The following NLRP14 variants were observed in gnomAD, a reference collection of about 807,000 sequenced individuals.
NLRP14 encodes the protein NLR family pyrin domain containing 14, also known as NACHT, LRR and PYD domains-containing protein 14.
In NLRP14, 105 loss-of-function variants were observed where a neutral mutation model predicts 94.7. The observed-to-expected ratio is 1.11, with a 90% CI of 0.95 to 1.30. The LOEUF (loss-of-function observed/expected upper bound fraction) is 1.30, where lower values mean the gene tolerates loss of function less well. NLRP14 is among the 50% of genes most tolerant of loss of function. The pLI is 0.00. For missense variants in NLRP14, 1,362 were observed against 1,254.1 expected, an observed-to-expected ratio of 1.09 and a Z score of -1.30; for synonymous variants, 508 against 459.9, an observed-to-expected ratio of 1.10 and a Z score of -1.34.
chr11:7,027,152 G>A (rs758686351), intron 1 of NLRP14, among the ~76,000 whole-genome samples: 2 of 150,710 alleles, frequency 1.3e-5, no homozygotes, highest in Non-Finnish European at 3.0e-5. Context: ...CCCTTTCAAT[G>A]TCAATTTTTC....
At chr11:7,034,835 A>G (rs1267043507) in intron 1 of NLRP14, among the ~76,000 whole-genome samples, 3 of 152,202 alleles carry the variant, frequency 2.0e-5, no homozygotes, top group Non-Finnish European at 4.4e-5. Context: ...GATACTAATT[A>G]ATTCTTGTCA....
In NLRP14 at chr11:7,062,490, A is replaced by T; in HGVS notation, c.2962A>T (p.Ile988Phe). ...CDALRYPNCNIQRLGLEYCGL... is the reference protein window; with the variant it reads ...CDALRYPNCNFQRLGLEYCGL... ...TGCTTTGAGATATCCAAACTGTAAC[A>T]TTCAGAGGCTCGGGTGAGTTCATAG... Residue 988 changes from isoleucine (I) to phenylalanine (F), a missense_variant, in exon 10 of 12, where the codon ATT (isoleucine) becomes TTT (phenylalanine). Coordinates refer to ENST00000299481, the MANE Select transcript of NLRP14 (RefSeq NM_176822.4). 6.2e-7 allele frequency: 1 copy of T among 1,612,858 alleles called. No individual in the cohort carries two copies. The highest frequency in any genetic ancestry group is 1.7e-5 in the Admixed American group (1 of 59,886).
chr11:7,074,600 G>A (rs1468614778), downstream of NLRP14, among the ~76,000 whole-genome samples: 3 of 152,172 alleles, frequency 2.0e-5, no homozygotes, highest in African/African-American at 7.2e-5. Context: ...CCATTTCAGA[G>A]CATTATAGAG....
intron 6 of NLRP14, among the ~76,000 whole-genome samples, chr11:7,052,529 A>G (rs778091619): frequency 6.6e-6 from 1 of 152,168 alleles, no homozygotes; most frequent in Admixed American, 6.5e-5. Flanking sequence ...GCTACTCAGG[A>G]GGCTGAGACA....
chr11:7,089,017 C>CGG, the NLRP14 span: 5 of 1,380,094 alleles, frequency 3.6e-6, no homozygotes, highest in Non-Finnish European at 5.0e-6. Context: ...GACTAGGCGC[C>CGG]GCCTGACCAG....
At position 7,058,453 on chromosome 11, in the gene NLRP14, A is replaced by G; in HGVS notation, c.2633+3A>G. ...CAATGTACTCTGAAGAGCCTTGTGT[A>G]AGTGTCTTCAAGTTTTTATCCTTAA... On this transcript the variant is annotated splice_donor_region_variant and intron_variant, in intron 8 of 11. Coordinates refer to ENST00000299481, the MANE Select transcript of NLRP14 (RefSeq NM_176822.4). 1 of 1,602,680 alleles carries G rather than the reference A, an allele frequency of 6.2e-7. No individual in the cohort carries two copies. The highest frequency in any genetic ancestry group is 1.3e-5 in the African/African-American group (1 of 74,764).
rs1852291818 is a variant in NLRP14, at chr11:7,043,193, C to T, written c.1167C>T (p.Val389=). The T allele has an allele frequency of 1.2e-6, 2 of 1,614,122 alleles. No individual in the cohort carries two copies. The highest frequency in any genetic ancestry group is 2.2e-5 in the East Asian group (1 of 44,884). The stretch of plus-strand genomic sequence containing the variant: ...AGCAAATGGAGAAGGGTGGTGATGT[C>T]ACATTGACCTGCCAAACAACCACAG... ...LKQQMEKGGD[V]TLTCQTTTAL... Residue 389 remains valine, a synonymous_variant, in exon 4 of 12, where the codon GTC becomes GTT. Coordinates refer to ENST00000299481, the MANE Select transcript of NLRP14 (RefSeq NM_176822.4).
chr11:7,079,940 C>T, the NLRP14 span, among the ~76,000 whole-genome samples: 9 of 152,054 alleles, frequency 5.9e-5, no homozygotes, highest in African/African-American at 2.2e-4. Context: ...TGGGAGAAGC[C>T]ATTGCGATAG....
At chr11:7,066,586 G>A in intron 10 of NLRP14, among the ~76,000 whole-genome samples, 1 of 151,264 alleles carries the variant, frequency 6.6e-6, no homozygotes, top group East Asian at 2.0e-4. Flanking sequence ...TTTAAATTCA[G>A]ATTCTGAATA....
intron 1 of NLRP14, among the ~76,000 whole-genome samples, chr11:7,032,523 C>G (rs1827140248): frequency 1.3e-5 from 2 of 152,114 alleles, no homozygotes; most frequent in Admixed American, 1.3e-4. Context: ...AGTAGACATG[C>G]AGACATGCAG....
intron 1 of NLRP14, among the ~76,000 whole-genome samples, chr11:7,035,776 C>T (rs1370069942): frequency 6.6e-6 from 1 of 152,136 alleles, no homozygotes; most frequent in East Asian, 1.9e-4. Flanking sequence ...GATAGTCATG[C>T]TATATTTAGA....
chr11:7,080,197 G>C, the NLRP14 span, among the ~76,000 whole-genome samples: 1 of 152,214 alleles, frequency 6.6e-6, no homozygotes, highest in Non-Finnish European at 1.5e-5. Flanking sequence ...CATCTGAAGT[G>C]AGGGCAGCCT....
At chr11:7,053,697 C>A (rs368293202) in intron 6 of NLRP14, among the ~76,000 whole-genome samples, 1 of 151,380 alleles carries the variant, frequency 6.6e-6, no homozygotes, top group Non-Finnish European at 1.5e-5. Context: ...TGTATACTTA[C>A]GGGTTACATG....
intron 11 of NLRP14, among the ~76,000 whole-genome samples, chr11:7,070,781 A>G (rs752270079): frequency 3.9e-5 from 6 of 152,212 alleles, no homozygotes; most frequent in African/African-American, 7.2e-5. Flanking sequence ...AAATCTACCC[A>G]TAAGGTTATC....
At chr11:7,020,844 C>A (rs899575681) in intron 1 of NLRP14, 74 bp downstream of exon 1, 1 of 152,392 alleles carries the variant, frequency 6.6e-6, no homozygotes, top group African/African-American at 2.4e-5. Context: ...GGCTTTCCTC[C>A]CTCCCGCCTT....
At chr11:7,061,838 G>T (rs1257932223) in intron 9 of NLRP14, among the ~76,000 whole-genome samples, 3 of 152,040 alleles carry the variant, frequency 2.0e-5, no homozygotes, top group South Asian at 2.1e-4. Context: ...AGAGAATAAT[G>T]TGGGGACAAA....
rs762304437 is a variant in NLRP14, at chr11:7,038,615, T to G, written c.29T>G (p.Phe10Cys). The change falls in exon 2 of 12, where the codon TTT becomes TGT. Residue 10 changes from phenylalanine (F) to cysteine (C), a missense_variant. By Grantham distance (205) the Phe-to-Cys change is radical. Coordinates refer to ENST00000299481, the MANE Select transcript of NLRP14 (RefSeq NM_176822.4). ...GCAGATTCATCATCATCTTCTTTCT[T>G]TCCTGATTTTGGGCTGCTATTGTAT... Reference protein sequence around the residue: MADSSSSSFFPDFGLLLYLE... With the variant: MADSSSSSFCPDFGLLLYLE... 9.3e-6 allele frequency: 15 copies of G among 1,614,136 alleles called. No homozygotes were observed. The highest frequency in any genetic ancestry group is 6.7e-5 in the East Asian group (3 of 44,888).
intron 9 of NLRP14, 50 bp from the exon 10 acceptor site, chr11:7,062,283 A>T: frequency 6.6e-7 from 1 of 1,514,868 alleles, no homozygotes; most frequent in Non-Finnish European, 9.2e-7. Flanking sequence ...GAAGAAACTT[A>T]TTTAACCTCA....
chr11:7,067,626 C>A (rs904678366), intron 10 of NLRP14, among the ~76,000 whole-genome samples: 1 of 152,132 alleles, frequency 6.6e-6, no homozygotes, highest in African/African-American at 2.4e-5. Flanking sequence ...ATATAATATG[C>A]ATTATATCAA....
Sources: allele counts gnomAD v4.1 joint callset (sites outside exome capture counted in the v4.1 genomes callset), GRCh38; gene constraint gnomAD v4.1.1; transcripts MANE v1.5; gene names NCBI Gene and HGNC (gene_info 2026-07-23, HGNC 2026-07-21).